DNAJB1: variants seen among roughly 807,000 people sequenced by gnomAD.
DNAJB1 encodes DnaJ heat shock protein family (Hsp40) member B1.
DNAJB1 carries 14 observed loss-of-function variants against 24.0 expected under a neutral mutation model. The ratio of observed to expected loss-of-function variants is 0.58; its 90% CI spans 0.39 to 0.91. The LOEUF is 0.91. DNAJB1 is among the 40% of genes least tolerant of loss of function. The probability of loss-of-function intolerance (pLI) is 0.00; values close to 1 mark genes in which losing one functional copy is unlikely to be tolerated. For synonymous variants in DNAJB1, 262 were observed against 174.4 expected, an observed-to-expected ratio of 1.50 and a Z score of -3.96; for missense variants, 517 against 458.1, an observed-to-expected ratio of 1.13 and a Z score of -1.17.
chr19:14,551,946 C>T (rs866261800), upstream of DNAJB1, among the ~76,000 whole-genome samples: 36 of 71,240 alleles, frequency 5.1e-4, no homozygotes, highest in Non-Finnish European at 7.7e-4. Flanking sequence ...TCCCTCCCTC[C>T]CTCTCTCTCT....
intron 1 of DNAJB1, among the ~76,000 whole-genome samples, chr19:14,540,207 C>T (rs1420844655): frequency 6.6e-6 from 1 of 151,808 alleles, no homozygotes; most frequent in Non-Finnish European, 1.5e-5. Flanking sequence ...GTACAGGCAC[C>T]CACCACCACG....
upstream of DNAJB1, chr19:14,529,727 CAG>C (rs1298035547): frequency 3.7e-5 from 60 of 1,613,948 alleles, no homozygotes; most frequent in Non-Finnish European, 5.0e-5. Context: ...AAGCGAGAAA[CAG>C]GGGCCGTGTG....
chr19:14,518,292 T>C lies in DNAJB1; in HGVS notation c.58A>G (p.Ile20Val). 5 of 1,609,358 alleles carry C rather than the reference T, an allele frequency of 3.1e-6. No homozygotes were observed. The highest frequency in any genetic ancestry group is 2.3e-5 in the East Asian group (1 of 44,436). ...GLARGASDEE[I>V]KRAYRRQALR... ...GCCTGGCGGCGGTAGGCCCGCTTGA[T>C]CTCCTCGTCCGACGCGCCGCGGGCC... The change falls in exon 1 of 3, where the codon ATC (isoleucine) becomes GTC (valine). Residue 20 changes from isoleucine (I) to valine (V), a missense_variant. Physicochemically the swap from Ile to Val is conservative, Grantham distance 29. Transcript: ENST00000254322.
At chr19:14,553,150 C>T (rs996082846), upstream of DNAJB1, among the ~76,000 whole-genome samples, 2 of 152,110 alleles carry the variant, frequency 1.3e-5, no homozygotes, top group African/African-American at 2.4e-5. Flanking sequence ...GGAGCTCGTG[C>T]GTCCGATGAC....
Position 14,515,795 on chromosome 19 carries a change from G to C in DNAJB1, c.*145C>G, listed in dbSNP as rs1286770508. The C allele has an allele frequency of 3.3e-5, 25 of 753,500 alleles. No individual in the cohort carries two copies. The highest frequency in any genetic ancestry group is 5.0e-5 in the Non-Finnish European group (23 of 463,584). 46.7% of individuals were successfully genotyped at this position (753,500 alleles called of 1,614,324 possible). On this transcript the variant is annotated 3_prime_UTR_variant, in exon 3 of 3. Coordinates refer to ENST00000254322, the MANE Select transcript of DNAJB1 (RefSeq NM_006145.3). The stretch of plus-strand genomic sequence containing the variant: ...GTCTAGTGTGCGACTTTGAAAGATT[G>C]TAATATATGCTCTGGAAAACATTCA...
intron 1 of DNAJB1, among the ~76,000 whole-genome samples, chr19:14,548,694 C>T (rs2073386058): frequency 6.6e-6 from 1 of 152,146 alleles, no homozygotes; most frequent in African/African-American, 2.4e-5. Context: ...TCTCCTGTCT[C>T]AGCCTCCCAA....
chr19:14,547,299 T>G (rs971844749), intron 1 of DNAJB1, among the ~76,000 whole-genome samples: 5 of 152,196 alleles, frequency 3.3e-5, no homozygotes, highest in Non-Finnish European at 7.3e-5. Flanking sequence ...CTCTTAAAGC[T>G]TGGGTAAAAA....
At chr19:14,541,695 C>G (rs2073101517) in intron 1 of DNAJB1, among the ~76,000 whole-genome samples, 1 of 152,046 alleles carries the variant, frequency 6.6e-6, no homozygotes, top group Non-Finnish European at 1.5e-5. Flanking sequence ...GGCATGGAGC[C>G]CAGAGTTTGC....
chr19:14,517,002 T>C lies in DNAJB1; in HGVS notation c.256A>G (p.Asn86Asp), dbSNP rs759842362. 7 of 1,607,886 alleles carry C rather than the reference T, an allele frequency of 4.4e-6. No individual in the cohort carries two copies. The highest frequency in any genetic ancestry group is 5.1e-6 in the Non-Finnish European group (6 of 1,177,586). The change falls in exon 2 of 3, where the codon AAT becomes GAT. Residue 86 changes from asparagine to aspartate, a missense_variant. Asn to Asp is a conservative substitution (Grantham distance 23). Transcript: ENST00000254322. ...GPSGGSGGGANGTSFSYTFHG... is the reference protein window; with the variant it reads ...GPSGGSGGGADGTSFSYTFHG... ...AATGTGTAGCTGAAAGAGGTACCAT[T>C]GGCACCACCGCCGCTACCGCCACTG... is the stretch of plus-strand genomic sequence containing the variant.
At chr19:14,556,613 A>G (rs928424586) in intron 1 of DNAJB1, among the ~76,000 whole-genome samples, 1 of 152,088 alleles carries the variant, frequency 6.6e-6, no homozygotes, top group South Asian at 2.1e-4. Flanking sequence ...GAACTGGAAC[A>G]GTGCCTGGGG....
chr19:14,558,947 G>T (rs2073825189), intron 1 of DNAJB1, among the ~76,000 whole-genome samples: 1 of 152,234 alleles, frequency 6.6e-6, no homozygotes, highest in Non-Finnish European at 1.5e-5. Flanking sequence ...TCCCCTGGGA[G>T]CCCCTGCCCC....
At chr19:14,558,818 C>T (rs2073821478) in intron 1 of DNAJB1, among the ~76,000 whole-genome samples, 1 of 152,168 alleles carries the variant, frequency 6.6e-6, no homozygotes, top group Non-Finnish European at 1.5e-5. Context: ...GTCTGTCCTC[C>T]CTGCCTCACC....
chr19:14,535,856 G>C (rs1417859159), intron 1 of DNAJB1, among the ~76,000 whole-genome samples: 1 of 151,390 alleles, frequency 6.6e-6, no homozygotes, highest in Non-Finnish European at 1.5e-5. Flanking sequence ...AAGATCCTGA[G>C]GGGGTTGGAG....
intron 1 of DNAJB1, among the ~76,000 whole-genome samples, chr19:14,557,113 T>TTTATTTA (rs2073753179): frequency 1.4e-5 from 1 of 69,672 alleles, no homozygotes; most frequent in Non-Finnish European, 3.2e-5. Context: ...GTTGGTCTAA[T>TTTATTTA]CTTATTTATT....
At chr19:14,553,190 CGCTCGGGGCTCT>C (rs2073598352), upstream of DNAJB1, among the ~76,000 whole-genome samples, 1 of 152,292 alleles carries the variant, frequency 6.6e-6, no homozygotes, top group Admixed American at 6.5e-5. Context: ...GCTACCTGCT[CGCTCGGGGCTCT>C]GCTGGATGGG....
intron 2 of DNAJB1, 59 bp from the exon 3 acceptor site, chr19:14,516,229 C>T: frequency 1.9e-6 from 3 of 1,582,462 alleles, no homozygotes; most frequent in Non-Finnish European, 2.6e-6. Flanking sequence ...CAGCTCTTGC[C>T]CAGAGGCCGT....
intron 1 of DNAJB1, chr19:14,517,899 G>A (rs1436723701): frequency 1.0e-5 from 4 of 397,808 alleles, no homozygotes; most frequent in African/African-American, 2.1e-5. Flanking sequence ...GGGAGGAGGC[G>A]CCCGGGGAGG....
rs761819032 is a variant in DNAJB1, at chr19:14,518,227, G to C, written c.123C>G (p.Ala41=). 3.1e-6 allele frequency: 5 copies of C among 1,609,810 alleles called. No homozygotes were observed. Among genetic ancestry groups the C allele is most frequent in the South Asian group, 1.1e-5 (1 of 90,718 alleles). The change falls in exon 1 of 3, where the codon GCC becomes GCG. Residue 41 remains alanine, a synonymous_variant. Coordinates refer to ENST00000254322, the MANE Select transcript of DNAJB1 (RefSeq NM_006145.3). Reference sequence around the variant, plus strand: ...CAGCGATCTCCTTGAACTTCTCCTCGGCGCCGGGCTCCTTGTTCTTGTCCG... The same window carrying C: ...CAGCGATCTCCTTGAACTTCTCCTCCGCGCCGGGCTCCTTGTTCTTGTCCG... ...YHPDKNKEPG[A]EEKFKEIAEA... is the part of the protein sequence containing the mutation.
rs534651289 is a variant in DNAJB1 at position 14,549,390 on chromosome 19, T to G, written c.-214+818A>C. Among the ~76,000 whole-genome samples the G allele has an allele frequency of 1.8e-3, 271 of 152,000 alleles. 1 individual carries two copies. The highest frequency in any genetic ancestry group is 3.2e-3 in the Non-Finnish European group (217 of 67,966). Reference sequence around the variant, plus strand: ...ACCATGCCCAGCTAACTTTTGTATTTGTCATAGAGATGGGGTTTCACCATA... The same window carrying G: ...ACCATGCCCAGCTAACTTTTGTATTGGTCATAGAGATGGGGTTTCACCATA... On this transcript the variant is annotated intron_variant, in intron 1 of 3. Coordinates refer to the DNAJB1 transcript ENST00000676982.
Sources: allele counts gnomAD v4.1 joint callset (sites outside exome capture counted in the v4.1 genomes callset), GRCh38; gene constraint gnomAD v4.1.1; transcripts MANE v1.5; gene names NCBI Gene and HGNC (gene_info 2026-07-23, HGNC 2026-07-21).